The following EDA variants were observed in gnomAD, a reference collection of about 807,000 sequenced individuals.
The protein encoded by EDA is ectodysplasin-A.
In EDA, 2 loss-of-function variants were observed where a neutral mutation model predicts 23.6. The observed-to-expected ratio is 0.08, with a 90% CI of 0.03 to 0.27. The LOEUF (loss-of-function observed/expected upper bound fraction) is 0.27. Among genes scored for constraint, EDA ranks in the 10% least tolerant of loss-of-function variants. The probability of loss-of-function intolerance (pLI) is 1.00; values close to 1 mark genes in which losing one functional copy is unlikely to be tolerated. For synonymous variants in EDA, 131 were observed against 132.0 expected (o/e 0.99, Z 0.05); for missense variants, 229 against 324.2 (o/e 0.71, Z 2.26).
intron 1 of EDA, among the ~76,000 whole-genome samples, chrX:69,818,004 C>A (rs144547318): frequency 0.018 from 1,965 of 111,585 alleles, 48 homozygotes; most frequent in African/African-American, 0.061. Flanking sequence ...TGCAAAAGAA[C>A]TAAAATCATA....
chrX:69,703,246 G>A (rs936953793), intron 1 of EDA, among the ~76,000 whole-genome samples: 28 of 111,530 alleles, frequency 2.5e-4, no homozygotes, highest in Non-Finnish European at 4.7e-4. Context: ...AAGAGAGGCC[G>A]TGCAGATTTT....
At chrX:69,889,007 T>C (rs1331984875) in intron 1 of EDA, among the ~76,000 whole-genome samples, 1 of 72,376 alleles carries the variant, frequency 1.4e-5, no homozygotes, top group African/African-American at 5.0e-5. Flanking sequence ...TATATATATA[T>C]ATATATATAT....
At chrX:69,873,087 A>G (rs1284092940) in intron 1 of EDA, among the ~76,000 whole-genome samples, 1 of 112,175 alleles carries the variant, frequency 8.9e-6, no homozygotes, top group Non-Finnish European at 1.9e-5. Context: ...AGCAACTCCA[A>G]AAGCAACCCT....
At chrX:69,644,607 CCTTCT>C (rs1932883246) in intron 1 of EDA, among the ~76,000 whole-genome samples, 1 of 110,889 alleles carries the variant, frequency 9.0e-6, no homozygotes, top group Non-Finnish European at 1.9e-5. Flanking sequence ...ACCTTTATTT[CCTTCT>C]CTTGCCTGAT....
chrX:69,875,786 C>T (rs1396447759), intron 1 of EDA, among the ~76,000 whole-genome samples: 1 of 110,222 alleles, frequency 9.1e-6, no homozygotes, highest in Non-Finnish European at 1.9e-5. Context: ...AACACATCAG[C>T]CCCCCAAAAA....
intron 1 of EDA, among the ~76,000 whole-genome samples, chrX:69,693,749 G>C (rs1222740086): frequency 8.9e-6 from 1 of 111,988 alleles, no homozygotes; most frequent in Non-Finnish European, 1.9e-5. Flanking sequence ...CAGTAAAATA[G>C]TACTTCTATT....
At chrX:69,752,473 G>C (rs970204639) in intron 1 of EDA, among the ~76,000 whole-genome samples, 1 of 111,861 alleles carries the variant, frequency 8.9e-6, no homozygotes, top group African/African-American at 3.3e-5. Context: ...GCTGGATTCA[G>C]TTTGCCAGTA....
chrX:69,734,107 G>A (rs1569312358), intron 1 of EDA, among the ~76,000 whole-genome samples: 1 of 111,415 alleles, frequency 9.0e-6, no homozygotes, highest in Non-Finnish European at 1.9e-5. Context: ...TTAACAAAAA[G>A]TATTTTAAAA....
chrX:69,781,726 G>A (rs1034768727), intron 1 of EDA, among the ~76,000 whole-genome samples: 1 of 111,000 alleles, frequency 9.0e-6, no homozygotes, highest in Admixed American at 9.7e-5. Flanking sequence ...TTAAAACAAA[G>A]TATACTTGTA....
chrX:69,810,023 G>GGTCAA (rs2015907061), intron 1 of EDA, among the ~76,000 whole-genome samples: 4 of 107,191 alleles, frequency 3.7e-5, no homozygotes, highest in Non-Finnish European at 7.8e-5. Context: ...GCACTTTGGG[G>GGTCAA]GGCTGAGGTG....
At chrX:69,953,486 C>T (rs939826921) in intron 1 of EDA, among the ~76,000 whole-genome samples, 6 of 111,790 alleles carry the variant, frequency 5.4e-5, no homozygotes. Context: ...AATAGTTTGG[C>T]AGTTTCTTAC....
chrX:69,672,031 G>A (rs1164508611), intron 1 of EDA, among the ~76,000 whole-genome samples: 2 of 111,885 alleles, frequency 1.8e-5, no homozygotes, highest in Non-Finnish European at 3.8e-5. Context: ...TACATTGAAG[G>A]AACTCAGTAA....
rs897651439 is a variant in EDA at position 69,697,071 on chromosome X, C to T, written c.396+80367C>T. Among the ~76,000 whole-genome samples the T allele has an allele frequency of 1.3e-4, 15 of 111,543 alleles. No homozygotes were observed. In the South Asian group the frequency reaches 2.3e-3, roughly 17 times the overall value. On this transcript the variant is annotated intron_variant, in intron 1 of 7. Transcript: ENST00000374552. The stretch of plus-strand genomic sequence containing the variant: ...TGTATTGGTTCGAACCCCAGGAGCA[C>T]ACCAACAGACAGAACGAGGTAGTGT...
intron 1 of EDA, among the ~76,000 whole-genome samples, chrX:69,674,455 T>G (rs1288614593): frequency 8.9e-6 from 1 of 112,602 alleles, no homozygotes; most frequent in Admixed American, 9.4e-5. Context: ...TAATAGATCA[T>G]AAATCACTAC....
chrX:69,828,561 G>A (rs764038982), intron 1 of EDA, among the ~76,000 whole-genome samples: 19 of 111,821 alleles, frequency 1.7e-4, no homozygotes, highest in South Asian at 1.5e-3. Flanking sequence ...GCTTCGGCTC[G>A]CGCACGGTGC....
chrX:69,750,555 G>C (rs755035553), intron 1 of EDA, among the ~76,000 whole-genome samples: 2 of 111,029 alleles, frequency 1.8e-5, no homozygotes, highest in Admixed American at 9.6e-5. Context: ...GGACGGCTGG[G>C]TCAAATGGCA....
chrX:69,650,523 C>T (rs185989563), intron 1 of EDA, among the ~76,000 whole-genome samples: 443 of 111,274 alleles, frequency 4.0e-3, no homozygotes, highest in African/African-American at 0.014. Context: ...AATAGAGTGA[C>T]TATCATTAAC....
At chrX:69,875,301 G>C (rs1488541864) in intron 1 of EDA, among the ~76,000 whole-genome samples, 1 of 111,855 alleles carries the variant, frequency 8.9e-6, no homozygotes, top group African/African-American at 3.2e-5. Flanking sequence ...CAGCAGAACA[G>C]AATAGAGAAC....
intron 1 of EDA, among the ~76,000 whole-genome samples, chrX:69,869,885 A>C (rs1231411063): frequency 1.8e-5 from 2 of 112,182 alleles, no homozygotes; most frequent in African/African-American, 6.5e-5. Flanking sequence ...CCACCATTAG[A>C]TCTGACATAC....
Sources: allele counts gnomAD v4.1 joint callset (sites outside exome capture counted in the v4.1 genomes callset), GRCh38; gene constraint gnomAD v4.1.1; transcripts MANE v1.5; gene names NCBI Gene and HGNC (gene_info 2026-07-23, HGNC 2026-07-21).